KIZ: variants seen among roughly 807,000 people sequenced by gnomAD.
KIZ encodes the protein centrosomal protein kizuna.
Under a neutral mutation model 79.6 loss-of-function variants are expected in KIZ, and 68 were observed. The observed-to-expected ratio is 0.85, with a 90% CI of 0.70 to 1.05. The LOEUF is 1.05. KIZ is among the 50% of genes least tolerant of loss of function. KIZ has a pLI of 0.00. For synonymous variants in KIZ, 280 were observed against 281.8 expected, an observed-to-expected ratio of 0.99 and a Z score of 0.06; for missense variants, 797 against 800.4, an observed-to-expected ratio of 1.00 and a Z score of 0.05.
intron 3 of KIZ, among the ~76,000 whole-genome samples, chr20:21,144,880 G>A (rs142457362): frequency 2.0e-5 from 3 of 152,046 alleles, no homozygotes; most frequent in Non-Finnish European, 4.4e-5. Context: ...AATTACTAGC[G>A]TACTGAATCA....
chr20:21,222,934 A>G (rs1394552563), intron 9 of KIZ, among the ~76,000 whole-genome samples: 1 of 152,200 alleles, frequency 6.6e-6, no homozygotes, highest in Non-Finnish European at 1.5e-5. Context: ...GGGGAACAAC[A>G]TTATTCAACC....
At chr20:21,151,702 C>T (rs1402168425) in intron 4 of KIZ, 1 of 152,068 alleles carries the variant, frequency 6.6e-6, no homozygotes, top group Non-Finnish European at 1.5e-5. Context: ...AAAAGATATA[C>T]TTCATGCAGT....
At chr20:21,238,787 C>T (rs1001914438) in intron 11 of KIZ, among the ~76,000 whole-genome samples, 12 of 152,212 alleles carry the variant, frequency 7.9e-5, no homozygotes, top group African/African-American at 2.7e-4. Flanking sequence ...CTGCTGCAGC[C>T]CCAGCACAGA....
chr20:21,137,260 T>G (rs1382384625), intron 3 of KIZ, among the ~76,000 whole-genome samples: 1 of 152,138 alleles, frequency 6.6e-6, no homozygotes, highest in Non-Finnish European at 1.5e-5. Flanking sequence ...TCTGGCACCT[T>G]TTTCCCCTTG....
At chr20:21,185,563 C>G (rs796777951) in intron 6 of KIZ, among the ~76,000 whole-genome samples, 18 of 151,692 alleles carry the variant, frequency 1.2e-4, no homozygotes, top group African/African-American at 4.1e-4. Context: ...GCAGCCACCA[C>G]CACACCCGGC....
At chr20:21,143,641 G>A (rs1404170805) in intron 3 of KIZ, among the ~76,000 whole-genome samples, 3 of 152,202 alleles carry the variant, frequency 2.0e-5, no homozygotes, top group Non-Finnish European at 4.4e-5. Context: ...AAGCAATACA[G>A]TGACAGACAG....
chr20:21,238,263 A>G (rs1411038183), intron 11 of KIZ, among the ~76,000 whole-genome samples: 3 of 149,380 alleles, frequency 2.0e-5, no homozygotes, highest in Non-Finnish European at 4.4e-5. Flanking sequence ...AAGTTCCCTC[A>G]CTTCTGTATG....
intron 12 of KIZ, chr20:21,244,954 G>C (rs540787204): frequency 6.6e-6 from 1 of 152,500 alleles, no homozygotes; most frequent in Admixed American, 6.5e-5. Flanking sequence ...TCCTTCTGTA[G>C]GGAGTTCCTT....
chr20:21,188,076 G>A (rs1057404429), intron 6 of KIZ, among the ~76,000 whole-genome samples: 2 of 152,068 alleles, frequency 1.3e-5, no homozygotes, highest in African/African-American at 4.8e-5. Context: ...TCCTCAAAGT[G>A]AATCATAAAA....
At chr20:21,199,693 G>C (rs898324840) in intron 6 of KIZ, among the ~76,000 whole-genome samples, 2 of 152,184 alleles carry the variant, frequency 1.3e-5, no homozygotes, top group African/African-American at 4.8e-5. Flanking sequence ...CCAAATCTAA[G>C]TGAAATAGAC....
upstream of KIZ, chr20:21,126,016 C>G (rs1241462610): frequency 7.5e-7 from 1 of 1,335,372 alleles, no homozygotes; most frequent in Non-Finnish European, 9.6e-7. Context: ...GGCGGCCCGG[C>G]GCGGTGTTTA....
At chr20:21,236,076 A>G (rs1045324158) in intron 11 of KIZ, among the ~76,000 whole-genome samples, 1 of 152,234 alleles carries the variant, frequency 6.6e-6, no homozygotes, top group African/African-American at 2.4e-5. Flanking sequence ...CTTCCTAAAT[A>G]TGTCACGTTT....
intron 4 of KIZ, among the ~76,000 whole-genome samples, chr20:21,156,801 C>G (rs1033972730): frequency 6.6e-6 from 1 of 152,068 alleles, no homozygotes; most frequent in Non-Finnish European, 1.5e-5. Context: ...AGAAAAAAAT[C>G]ATAGCTTATA....
Position 21,239,664 on chromosome 20 carries a change from C to T in KIZ, c.1881-4581C>T, listed in dbSNP as rs145027467. 3.1e-3 allele frequency among the ~76,000 whole-genome samples: 465 copies of T among 152,296 alleles called. 2 individuals are homozygous for T. The highest frequency in any genetic ancestry group is 0.011 in the African/African-American group (457 of 41,562). On this transcript the variant is annotated intron_variant, in intron 11 of 12. Transcript: ENST00000619189. ...TGACTGTGTAGACCAATTCTAGCTA[C>T]GTTAGCCTTTTGTTCATATAAAATG...
At chr20:21,204,362 G>T (rs1279527972) in intron 6 of KIZ, among the ~76,000 whole-genome samples, 1 of 151,758 alleles carries the variant, frequency 6.6e-6, no homozygotes. Context: ...TGATCCGCCC[G>T]CCTCGGCCTC....
chr20:21,194,065 G>A (rs974292445), intron 6 of KIZ: 3 of 152,096 alleles, frequency 2.0e-5, no homozygotes, highest in Non-Finnish European at 4.4e-5. Flanking sequence ...GTTCCCAATA[G>A]CCTGGAGTGG....
chr20:21,215,274 G>A (rs1332858428), intron 8 of KIZ, among the ~76,000 whole-genome samples: 4 of 152,158 alleles, frequency 2.6e-5, no homozygotes, highest in African/African-American at 4.8e-5. Flanking sequence ...GGAATTGCTC[G>A]AGTTGATGTA....
In KIZ at chr20:21,147,532, A is replaced by T. The variant is rs76298244; in HGVS notation, c.405+1878A>T. On this transcript the variant is annotated intron_variant, in intron 4 of 12. Transcript: ENST00000619189. The stretch of plus-strand genomic sequence containing the variant: ...CCAAGCTTCTCTTCTTTGGGCAGTC[A>T]TATGAATTGGTCTTGGTCATTGACC... Among the ~76,000 whole-genome samples the T allele has an allele frequency of 3.3e-3, 497 of 152,328 alleles. 2 individuals carry two copies. The highest frequency in any genetic ancestry group is 0.012 in the African/African-American group (484 of 41,560).
chr20:21,170,778 A>G (rs539839456), intron 6 of KIZ, among the ~76,000 whole-genome samples: 3 of 151,970 alleles, frequency 2.0e-5, no homozygotes, highest in Non-Finnish European at 4.4e-5. Context: ...ACTCCACTAC[A>G]CTTCCCAGCC....
Sources: allele counts gnomAD v4.1 joint callset (sites outside exome capture counted in the v4.1 genomes callset), GRCh38; gene constraint gnomAD v4.1.1; transcripts MANE v1.5; gene names NCBI Gene and HGNC (gene_info 2026-07-23, HGNC 2026-07-21).